Variants in HS6ST3 observed in about 807,000 individuals in gnomAD.
The protein encoded by HS6ST3 is heparan-sulfate 6-O-sulfotransferase 3.
HS6ST3 carries 12 observed loss-of-function variants against 36.7 expected under a neutral mutation model. The observed-to-expected ratio is 0.33, with a 90% CI of 0.21 to 0.53. HS6ST3 has a LOEUF of 0.53. Among genes scored for constraint, HS6ST3 ranks in the 20% least tolerant of loss-of-function variants. The pLI is 0.95. For synonymous variants in HS6ST3, 240 were observed against 257.5 expected (o/e 0.93, Z 0.65); for missense variants, 584 against 640.9 (o/e 0.91, Z 0.96).
intron 1 of HS6ST3, among the ~76,000 whole-genome samples, chr13:96,396,147 C>A (rs1463102199): frequency 6.6e-6 from 1 of 152,034 alleles, no homozygotes; most frequent in Non-Finnish European, 1.5e-5. Flanking sequence ...AACCCTGTCT[C>A]TACTAAAAAT....
chr13:96,108,952 CCTATCTCTATCT>C (rs145081903), intron 1 of HS6ST3, among the ~76,000 whole-genome samples: 86 of 147,930 alleles, frequency 5.8e-4, no homozygotes, highest in East Asian at 5.1e-3. Flanking sequence ...GACAACCACT[CCTATCTCTATCT>C]CTATCTCTAT....
chr13:96,577,958 C>T (rs1566402037), intron 1 of HS6ST3, among the ~76,000 whole-genome samples: 1 of 152,074 alleles, frequency 6.6e-6, no homozygotes, highest in Non-Finnish European at 1.5e-5. Context: ...TTTTATTGAC[C>T]ATGGAGTAGG....
chr13:96,261,749 T>C (rs1025822909), intron 1 of HS6ST3, among the ~76,000 whole-genome samples: 2 of 152,212 alleles, frequency 1.3e-5, no homozygotes, highest in Non-Finnish European at 1.5e-5. Flanking sequence ...GGTGTAAAGA[T>C]AGAATGTGTA....
At chr13:96,611,799 G>A (rs896002140) in intron 1 of HS6ST3, among the ~76,000 whole-genome samples, 2 of 152,198 alleles carry the variant, frequency 1.3e-5, no homozygotes, top group Admixed American at 6.5e-5. Flanking sequence ...CAGGCAGAGT[G>A]AGCATGGACA....
At chr13:96,595,645 C>T (rs1409200751) in intron 1 of HS6ST3, among the ~76,000 whole-genome samples, 1 of 151,886 alleles carries the variant, frequency 6.6e-6, no homozygotes, top group African/African-American at 2.4e-5. Flanking sequence ...TCTTTCTATT[C>T]TCCCTCTTAC....
intron 1 of HS6ST3, among the ~76,000 whole-genome samples, chr13:96,362,987 G>T (rs1286442515): frequency 6.6e-6 from 1 of 152,120 alleles, no homozygotes; most frequent in African/African-American, 2.4e-5. Context: ...ATAGAGCATG[G>T]ATCAGAGGTT....
chr13:96,677,887 G>C (rs1284432681), intron 1 of HS6ST3, among the ~76,000 whole-genome samples: 1 of 152,082 alleles, frequency 6.6e-6, no homozygotes, highest in African/African-American at 2.4e-5. Context: ...GTTTAAATTA[G>C]AGAAATATTT....
chr13:96,263,358 C>A (rs1050923385), intron 1 of HS6ST3, among the ~76,000 whole-genome samples: 20 of 152,168 alleles, frequency 1.3e-4, no homozygotes, highest in Admixed American at 1.1e-3. Flanking sequence ...AGGTTGAGAA[C>A]CATTCACTTA....
chr13:96,727,571 G>A (rs1876038297), intron 1 of HS6ST3, among the ~76,000 whole-genome samples: 1 of 152,002 alleles, frequency 6.6e-6, no homozygotes, highest in African/African-American at 2.4e-5. Context: ...CTCAGCTTGT[G>A]CTCTTTTAAC....
intron 1 of HS6ST3, among the ~76,000 whole-genome samples, chr13:96,460,002 G>A (rs964687890): frequency 6.6e-6 from 1 of 152,152 alleles, no homozygotes. Context: ...GGGCAAATTG[G>A]TTTACTTCAA....
At chr13:96,637,338 G>A (rs2056553509) in intron 1 of HS6ST3, among the ~76,000 whole-genome samples, 1 of 152,108 alleles carries the variant, frequency 6.6e-6, no homozygotes, top group African/African-American at 2.4e-5. Flanking sequence ...CACTGTGTGG[G>A]TACAGAAAGA....
chr13:96,424,985 G>A (rs1459625822), intron 1 of HS6ST3, among the ~76,000 whole-genome samples: 1 of 152,124 alleles, frequency 6.6e-6, no homozygotes, highest in Non-Finnish European at 1.5e-5. Flanking sequence ...GAATATTGTA[G>A]CAGATTTTTG....
chr13:96,393,827 G>A (rs1047248859), intron 1 of HS6ST3, among the ~76,000 whole-genome samples: 4 of 152,128 alleles, frequency 2.6e-5, no homozygotes, highest in Admixed American at 1.3e-4. Flanking sequence ...CAAGTTAGAA[G>A]TAAAGCTGTA....
At chr13:96,547,915 A>AAGC (rs760784222) in intron 1 of HS6ST3, among the ~76,000 whole-genome samples, 2 of 152,026 alleles carry the variant, frequency 1.3e-5, no homozygotes, top group Non-Finnish European at 2.9e-5. Flanking sequence ...TTGAAAGATG[A>AAGC]AGCTGTCACA....
chr13:96,417,976 A>G (rs1388039711), intron 1 of HS6ST3, among the ~76,000 whole-genome samples: 2 of 152,086 alleles, frequency 1.3e-5, no homozygotes, highest in Non-Finnish European at 2.9e-5. Flanking sequence ...TGTTTATTTA[A>G]TATGTATTGT....
At chr13:96,523,719 G>T (rs1441095938) in intron 1 of HS6ST3, among the ~76,000 whole-genome samples, 1 of 151,970 alleles carries the variant, frequency 6.6e-6, no homozygotes. Flanking sequence ...AGCTCCTTCA[G>T]GTCTTCTCTA....
intron 1 of HS6ST3, among the ~76,000 whole-genome samples, chr13:96,795,712 A>G (rs1269999094): frequency 2.6e-5 from 4 of 152,148 alleles, no homozygotes; most frequent in Admixed American, 2.6e-4. Context: ...AGAGGGCCCA[A>G]AGAGAATCCT....
At chr13:96,628,607 A>G (rs756886887) in intron 1 of HS6ST3, among the ~76,000 whole-genome samples, 2 of 152,070 alleles carry the variant, frequency 1.3e-5, no homozygotes, top group Non-Finnish European at 2.9e-5. Context: ...AAATTTGTCA[A>G]CTTCTCCCCG....
At chr13:96,345,474 A>G (rs552077697) in intron 1 of HS6ST3, among the ~76,000 whole-genome samples, 8 of 152,318 alleles carry the variant, frequency 5.3e-5, no homozygotes, top group African/African-American at 1.7e-4. Flanking sequence ...TCCAAAAACC[A>G]GTAGATGTGA....
Sources: gnomAD v4.1 joint callset for allele counts (sites outside exome capture counted in the v4.1 genomes callset) on GRCh38, gnomAD v4.1.1 for gene constraint, MANE v1.5 for transcripts, NCBI Gene and HGNC (gene_info 2026-07-23, HGNC 2026-07-21) for gene names.